The following DYNC2H1 variants were observed in gnomAD, a reference collection of about 807,000 sequenced individuals.
DYNC2H1 encodes dynein cytoplasmic 2 heavy chain 1.
In DYNC2H1, 410 loss-of-function variants were observed where a neutral mutation model predicts 570.0. The observed-to-expected ratio is 0.72, with a 90% CI of 0.66 to 0.78. DYNC2H1 has a LOEUF of 0.78. DYNC2H1 is among the 30% of genes least tolerant of loss of function. DYNC2H1 has a pLI of 0.00. For missense variants in DYNC2H1, 4,865 were observed against 5,046.4 expected (o/e 0.96, Z 1.09); for synonymous variants, 1,688 against 1,677.6 (o/e 1.01, Z -0.15).
intron 75 of DYNC2H1, among the ~76,000 whole-genome samples, chr11:103,288,880 CAA>C (rs546404582): frequency 8.7e-5 from 7 of 80,054 alleles, no homozygotes; most frequent in Non-Finnish European, 7.5e-5. Flanking sequence ...GACTCAATCT[CAA>C]AAAAAAAAAA....
chr11:103,286,319 A>T lies in DYNC2H1; in HGVS notation c.10955A>T (p.Tyr3652Phe). 1 of 1,613,818 alleles carries T rather than the reference A, an allele frequency of 6.2e-7. No individual in the cohort carries two copies. The highest frequency in any genetic ancestry group is 1.1e-5 in the South Asian group (1 of 91,050). Residue 3652 changes from tyrosine (Y) to phenylalanine (F), a missense_variant, in exon 74 of 89, where the codon TAT (tyrosine) becomes TTT (phenylalanine). By Grantham distance (22) the Tyr-to-Phe change is conservative. Transcript: ENST00000375735. Reference protein sequence around the residue: ...FEDAALWRTYYNNSMCEQEFP... With the variant: ...FEDAALWRTYFNNSMCEQEFP... ...GATGCAGCTCTGTGGCGTACTTATTATAATAATTCAATGTGTGAGCAAGAG... is the reference window on the plus strand; with the variant it reads ...GATGCAGCTCTGTGGCGTACTTATTTTAATAATTCAATGTGTGAGCAAGAG...
At position 103,332,811 on chromosome 11, in the gene DYNC2H1, G is replaced by C. The variant is rs369288369; in HGVS notation, c.12039+8821G>C. On this transcript the variant is annotated intron_variant, in intron 82 of 88. Transcript: ENST00000375735. The stretch of plus-strand genomic sequence containing the variant: ...GAGGTCAGGAGTTCGAGATCCCCCT[G>C]GCCAACATGGTGAAACCCTGTTTCT... 3.3e-5 allele frequency among the ~76,000 whole-genome samples: 5 copies of C among 152,172 alleles called. No individual in the cohort carries two copies. The East Asian group carries it at 9.7e-4, about 29-fold the overall frequency.
chr11:103,430,868 CT>C (rs1195880339), intron 84 of DYNC2H1, among the ~76,000 whole-genome samples: 3 of 152,114 alleles, frequency 2.0e-5, no homozygotes, highest in Non-Finnish European at 4.4e-5. Flanking sequence ...TATACTCTAC[CT>C]TCGTGTTCAC....
At chr11:103,421,657 A>G (rs1372330201) in intron 84 of DYNC2H1, among the ~76,000 whole-genome samples, 1 of 152,202 alleles carries the variant, frequency 6.6e-6, no homozygotes, top group Non-Finnish European at 1.5e-5. Context: ...CTTTGAAACT[A>G]ATGAGAATGA....
In DYNC2H1 at chr11:103,254,258, GAATT is replaced by G. The variant is rs575491508; in HGVS notation, c.10206+815_10206+818del. ...TGTGACAATCATTCAAAACTTGGCA[GAATT>G]AATTGACAGAATTGCTCCTGCTGTG... On this transcript the variant is annotated intron_variant, in intron 66 of 88. Transcript: ENST00000375735. This position sits in a 1 kb window ranked among gnomAD's most constrained non-coding sequence, Gnocchi z 4.9. Among the ~76,000 whole-genome samples, 133 of 152,262 alleles carry G rather than the reference GAATT, an allele frequency of 8.7e-4. 1 individual carries two copies. The highest frequency in any genetic ancestry group is 2.9e-3 in the African/African-American group (120 of 41,564).
chr11:103,172,357 C>T (rs1469295137), intron 34 of DYNC2H1, among the ~76,000 whole-genome samples: 19 of 152,156 alleles, frequency 1.2e-4, no homozygotes, highest in African/African-American at 4.3e-4. Context: ...TTCAGTCTTC[C>T]CTCCTCTACC....
rs755305630 is a variant in DYNC2H1 at position 103,113,668 on chromosome 11, C to G, written c.327C>G (p.Tyr109Ter). 2.2e-5 allele frequency: 35 copies of G among 1,565,692 alleles called. No homozygotes were observed. Among genetic ancestry groups the G allele is most frequent in the Non-Finnish European group, 3.0e-5 (35 of 1,163,548 alleles). The change falls in exon 2 of 89, where the codon TAC becomes TAG. Residue 109 changes from tyrosine to a stop codon, truncating the protein, a stop_gained. Transcript: ENST00000375735. LOFTEE classifies it high-confidence loss of function. ...TAGAGTCACCTATTAGTTCTCTTTA[C>G]CAAGCAGTACGGCAAGTATTCGCAC... ...SMLESPISSLYQAVRQVFAPM... is the reference protein window; with the variant it reads ...SMLESPISSL
intron 88 of DYNC2H1, among the ~76,000 whole-genome samples, chr11:103,473,932 C>G (rs1479513838): frequency 6.6e-6 from 1 of 152,146 alleles, no homozygotes; most frequent in African/African-American, 2.4e-5. Context: ...TTTACACAAG[C>G]TACTCAGGAA....
rs1283767838 is a variant in DYNC2H1, at chr11:103,133,967, A to G, written c.2106+260A>G. On this transcript the variant is annotated intron_variant, in intron 14 of 88. Transcript: ENST00000375735. This position sits in a 1 kb window ranked among gnomAD's most constrained non-coding sequence, Gnocchi z 4.8. ...CATTCTTTTTTTTTTCCAGGATACA[A>G]TCTAGAATCCAACTCTGCCCTTAGT... 6.6e-6 allele frequency among the ~76,000 whole-genome samples: 1 copy of G among 152,074 alleles called. No individual in the cohort carries two copies. The highest frequency in any genetic ancestry group is 1.9e-4 in the East Asian group (1 of 5,190).
rs1323706029 is a variant in DYNC2H1 at position 103,439,673 on chromosome 11, G to T, written c.12456+3641G>T. 6.6e-6 allele frequency among the ~76,000 whole-genome samples: 1 copy of T among 151,966 alleles called. No individual in the cohort carries two copies. Among genetic ancestry groups the T allele is most frequent in the Non-Finnish European group, 1.5e-5 (1 of 67,972 alleles). Reference sequence around the variant, plus strand: ...ATCCAAGGAACCTGAGCCACAGAGAGTCTTGCAGGCAGCCTTGCATTCACT... The same window carrying T: ...ATCCAAGGAACCTGAGCCACAGAGATTCTTGCAGGCAGCCTTGCATTCACT... On this transcript the variant is annotated intron_variant, in intron 85 of 88. Coordinates refer to ENST00000375735, the MANE Select transcript of DYNC2H1 (RefSeq NM_001377.3). This position sits in a 1 kb window ranked among gnomAD's most constrained non-coding sequence, Gnocchi z 4.1.
chr11:103,269,282 T>C (rs1865613466), intron 70 of DYNC2H1, among the ~76,000 whole-genome samples: 1 of 152,208 alleles, frequency 6.6e-6, no homozygotes, highest in South Asian at 2.1e-4. Context: ...GTTTCAGTGA[T>C]TAATAAAAAT....
chr11:103,307,054 A>G (rs1565481842), intron 77 of DYNC2H1, among the ~76,000 whole-genome samples: 1 of 152,188 alleles, frequency 6.6e-6, no homozygotes, highest in Non-Finnish European at 1.5e-5. Context: ...TTTAAATTGT[A>G]TTTTGACAGA....
intron 5 of DYNC2H1, 46 bp from the exon 6 acceptor site, chr11:103,117,585 A>C (rs1440875915): frequency 7.3e-7 from 1 of 1,377,410 alleles, no homozygotes; most frequent in East Asian, 2.5e-5. Context: ...TTTTTCTATA[A>C]AAATACATTT....
chr11:103,126,786 G>C (rs1166526854), intron 12 of DYNC2H1, among the ~76,000 whole-genome samples: 1 of 151,924 alleles, frequency 6.6e-6, no homozygotes, highest in Non-Finnish European at 1.5e-5. Context: ...ATAGGGGCCC[G>C]CCACCAAGCA....
chr11:103,475,353 T>TC (rs1945518433), intron 88 of DYNC2H1, among the ~76,000 whole-genome samples: 1 of 152,198 alleles, frequency 6.6e-6, no homozygotes, highest in Non-Finnish European at 1.5e-5. Context: ...AATTTTAGTT[T>TC]CATCCAAATA....
chr11:103,272,251 T>G (rs1368952896), intron 70 of DYNC2H1, among the ~76,000 whole-genome samples: 3 of 152,140 alleles, frequency 2.0e-5, no homozygotes, highest in East Asian at 1.9e-4. Context: ...CCATAAAAAA[T>G]GATGAGTTCA....
At chr11:103,410,042 A>T (rs551770811) in intron 84 of DYNC2H1, among the ~76,000 whole-genome samples, 2 of 152,194 alleles carry the variant, frequency 1.3e-5, no homozygotes, top group African/African-American at 4.8e-5. Flanking sequence ...GCTCAAAGTG[A>T]TCAGGTCATG....
intron 82 of DYNC2H1, among the ~76,000 whole-genome samples, chr11:103,330,896 A>C (rs1375264922): frequency 9.2e-5 from 14 of 152,216 alleles, no homozygotes; most frequent in Admixed American, 9.2e-4. Context: ...GCTGGTGATC[A>C]TACTTGGAGT....
At chr11:103,316,461 C>T in intron 79 of DYNC2H1, 84 bp from the exon 80 acceptor site, 1 of 881,280 alleles carries the variant, frequency 1.1e-6, no homozygotes, top group Non-Finnish European at 1.7e-6. Flanking sequence ...CTATATTGAT[C>T]ATTTAATTTA....
Sources: gnomAD v4.1 joint callset for allele counts (sites outside exome capture counted in the v4.1 genomes callset) on GRCh38, gnomAD v4.1.1 for gene constraint, Gnocchi (gnomAD v3.1) non-coding constraint, MANE v1.5 for transcripts, NCBI Gene and HGNC (gene_info 2026-07-23, HGNC 2026-07-21) for gene names.